ROBO2: variants seen among roughly 807,000 people sequenced by gnomAD.
ROBO2 encodes roundabout homolog 2.
ROBO2 carries 53 observed loss-of-function variants against 160.8 expected under a neutral mutation model. The ratio of observed to expected loss-of-function variants is 0.33; its 90% confidence interval spans 0.26 to 0.41. ROBO2 has a LOEUF of 0.41. ROBO2 is among the 10% of genes least tolerant of loss of function. The pLI, the probability that ROBO2 is intolerant of heterozygous loss-of-function variation, is 1.00. For synonymous variants in ROBO2, 664 were observed against 611.7 expected (o/e 1.09, Z -1.26); for missense variants, 1,577 against 1,722.4 (o/e 0.92, Z 1.49).
At chr3:76,494,548 AT>A (rs1359886822) in intron 2 of ROBO2, among the ~76,000 whole-genome samples, 1 of 152,100 alleles carries the variant, frequency 6.6e-6, no homozygotes, top group Non-Finnish European at 1.5e-5. Flanking sequence ...CCCATCCTTG[AT>A]GATAATGTTC....
At chr3:76,129,059 CAAAA>C (rs572494628) in intron 2 of ROBO2, among the ~76,000 whole-genome samples, 3 of 126,720 alleles carry the variant, frequency 2.4e-5, no homozygotes, top group Admixed American at 7.9e-5. Flanking sequence ...TTTGTCATTT[CAAAA>C]AAAAAAAAAG....
chr3:76,250,919 T>C (rs1705952402), intron 2 of ROBO2, among the ~76,000 whole-genome samples: 1 of 152,026 alleles, frequency 6.6e-6, no homozygotes, highest in Admixed American at 6.6e-5. Flanking sequence ...AGCAACAACT[T>C]TTATTCTTAT....
chr3:76,574,696 G>A (rs1462937308), intron 2 of ROBO2, among the ~76,000 whole-genome samples: 1 of 152,054 alleles, frequency 6.6e-6, no homozygotes, highest in Non-Finnish European at 1.5e-5. Context: ...CAAGGAGAAT[G>A]AACTAAATAC....
chr3:76,093,162 T>C (rs917104056), intron 2 of ROBO2, among the ~76,000 whole-genome samples: 5 of 152,152 alleles, frequency 3.3e-5, no homozygotes, highest in Non-Finnish European at 7.4e-5. Context: ...TTCTGTTGTC[T>C]TTATGTGAAT....
chr3:77,128,994 T>A (rs1227116150), intron 2 of ROBO2, among the ~76,000 whole-genome samples: 1 of 152,134 alleles, frequency 6.6e-6, no homozygotes, highest in African/African-American at 2.4e-5. Flanking sequence ...TTATTTCTAG[T>A]GAGGCTAAAA....
chr3:76,017,449 G>A (rs1010592488), intron 2 of ROBO2, among the ~76,000 whole-genome samples: 5 of 152,030 alleles, frequency 3.3e-5, no homozygotes, highest in South Asian at 2.1e-4. Context: ...TTTATGATGA[G>A]CGCACCTAAA....
intron 2 of ROBO2, chr3:77,317,085 G>GT: frequency 7.2e-7 from 1 of 1,384,386 alleles, no homozygotes; most frequent in Non-Finnish European, 1.0e-6. Flanking sequence ...CATCAGTCCT[G>GT]TAGCCAACTG....
chr3:77,577,716 T>A, intron 15 of ROBO2, 102 bp downstream of exon 16: 2 of 1,389,056 alleles, frequency 1.4e-6, no homozygotes, highest in Admixed American at 1.8e-5. Context: ...CTTATTCAGT[T>A]TAAGTGTAAA....
chr3:76,694,677 T>G (rs1480036827), intron 2 of ROBO2, among the ~76,000 whole-genome samples: 2 of 152,182 alleles, frequency 1.3e-5, no homozygotes, highest in Non-Finnish European at 2.9e-5. Flanking sequence ...TTTTATCAAC[T>G]CAGTAAACAT....
chr3:76,981,813 A>G (rs2060113627), intron 2 of ROBO2, among the ~76,000 whole-genome samples: 1 of 152,142 alleles, frequency 6.6e-6, no homozygotes, highest in Admixed American at 6.5e-5. Flanking sequence ...GGGAACAGGG[A>G]CATCACATGG....
intron 2 of ROBO2, among the ~76,000 whole-genome samples, chr3:76,149,429 C>T (rs926715196): frequency 5.4e-4 from 82 of 152,230 alleles, no homozygotes; most frequent in Middle Eastern, 3.4e-3. Context: ...TGGGCCTTTG[C>T]GCTTGCTGTC....
chr3:76,871,889 T>A (rs953951676), intron 2 of ROBO2, among the ~76,000 whole-genome samples: 3 of 152,194 alleles, frequency 2.0e-5, no homozygotes, highest in Non-Finnish European at 2.9e-5. Context: ...TGGCTGCAGA[T>A]GGCCATAGGG....
At chr3:75,963,479 G>A (rs760238588) in intron 2 of ROBO2, among the ~76,000 whole-genome samples, 18 of 151,834 alleles carry the variant, frequency 1.2e-4, no homozygotes, top group Admixed American at 6.6e-5. Context: ...TTAAAAGTGT[G>A]AACCACCTCA....
intron 2 of ROBO2, among the ~76,000 whole-genome samples, chr3:76,895,392 C>T (rs941839301): frequency 2.0e-5 from 3 of 151,950 alleles, no homozygotes; most frequent in South Asian, 2.1e-4. Context: ...GAGGCCAGAA[C>T]ATTGCATGTT....
intron 2 of ROBO2, among the ~76,000 whole-genome samples, chr3:76,133,683 C>T (rs1218010029): frequency 6.6e-6 from 1 of 152,074 alleles, no homozygotes; most frequent in Non-Finnish European, 1.5e-5. Flanking sequence ...TGAAGAACTT[C>T]GAGTTGGAGT....
At chr3:75,935,764 T>G (rs1255498491) in intron 1 of ROBO2, among the ~76,000 whole-genome samples, 6 of 152,148 alleles carry the variant, frequency 3.9e-5, no homozygotes, top group Admixed American at 2.6e-4. Flanking sequence ...AGCATCAGTT[T>G]TTGGCTGATT....
chr3:76,068,013 T>C (rs1381461568), intron 2 of ROBO2, among the ~76,000 whole-genome samples: 2 of 152,188 alleles, frequency 1.3e-5, no homozygotes, highest in Non-Finnish European at 2.9e-5. Context: ...ACTCTTAATA[T>C]GTCATGTATT....
chr3:76,294,641 G>A (rs890695902), intron 2 of ROBO2, among the ~76,000 whole-genome samples: 22 of 152,290 alleles, frequency 1.4e-4, no homozygotes, highest in African/African-American at 4.8e-4. Flanking sequence ...ATATTGCACA[G>A]CAATAGTAGA....
intron 2 of ROBO2, among the ~76,000 whole-genome samples, chr3:76,124,328 C>G (rs1232901573): frequency 6.6e-6 from 1 of 151,996 alleles, no homozygotes; most frequent in Non-Finnish European, 1.5e-5. Context: ...TATTGAGTTT[C>G]ACCAGGATTT....
Sources: allele counts gnomAD v4.1 joint callset (sites outside exome capture counted in the v4.1 genomes callset), GRCh38; gene constraint gnomAD v4.1.1; transcripts MANE v1.5; gene names NCBI Gene and HGNC (gene_info 2026-07-23, HGNC 2026-07-21).